The following ZNF292 variants were observed in gnomAD, a reference collection of about 807,000 sequenced individuals.
The protein encoded by ZNF292 is zinc finger protein 292.
ZNF292 carries 26 observed loss-of-function variants against 217.9 expected under a neutral mutation model. That is an observed-to-expected ratio of 0.12 (90% CI 0.09 to 0.17). ZNF292 has a LOEUF of 0.17. Among genes scored for constraint, ZNF292 ranks in the 10% least tolerant of loss-of-function variants. ZNF292 has a pLI of 1.00. For synonymous variants in ZNF292, 1,257 were observed against 1,124.1 expected, an observed-to-expected ratio of 1.12 and a Z score of -2.37; for missense variants, 2,904 against 3,175.2, an observed-to-expected ratio of 0.91 and a Z score of 2.05.
chr6:87,254,926 T>C lies in ZNF292; in HGVS notation c.1297T>C (p.Leu433=). ...PIPNSLRCEL[L]LVLKTQWPFD... ...ACCAAATTCTTTACGCTGTGAGCTG[T>C]TACTTGTATTGAAAACTCAATGGCC... Residue 433 remains leucine, a synonymous_variant, in exon 8 of 8, where the codon TTA becomes CTA. Coordinates refer to ENST00000369577, the MANE Select transcript of ZNF292 (RefSeq NM_015021.3). 6.2e-7 allele frequency: 1 copy of C among 1,613,884 alleles called. No individual in the cohort carries two copies. The highest frequency in any genetic ancestry group is 8.5e-7 in the Non-Finnish European group (1 of 1,179,838).
intron 6 of ZNF292, among the ~76,000 whole-genome samples, chr6:87,244,796 G>A (rs1379114530): frequency 1.3e-5 from 2 of 151,902 alleles, no homozygotes; most frequent in Non-Finnish European, 2.9e-5. Context: ...AAAGAGAAAT[G>A]CTGTTTAAAA....
At chr6:87,196,091 TATCAAGAATACTTTC>T in intron 1 of ZNF292, among the ~76,000 whole-genome samples, 1 of 152,282 alleles carries the variant, frequency 6.6e-6, no homozygotes, top group Non-Finnish European at 1.5e-5. Flanking sequence ...GTAAAAAGCT[TATCAAGAATACTTTC>T]AATGATGCTT....
chr6:87,230,562 T>C (rs1394576454), intron 4 of ZNF292, among the ~76,000 whole-genome samples: 2 of 151,974 alleles, frequency 1.3e-5, no homozygotes, highest in African/African-American at 4.8e-5. Flanking sequence ...TGAAACCCCA[T>C]CTCTACTAAA....
chr6:87,193,333 T>G (rs1008836456), intron 1 of ZNF292, among the ~76,000 whole-genome samples: 9 of 152,136 alleles, frequency 5.9e-5, no homozygotes, highest in Admixed American at 2.0e-4. Flanking sequence ...TCGCTTGAGC[T>G]CAGGAGTTTG....
Position 87,260,707 on chromosome 6 carries a change from A to C in ZNF292, c.7078A>C (p.Lys2360Gln), listed in dbSNP as rs1461022601. Residue 2360 changes from lysine (K) to glutamine (Q), a missense_variant, in exon 8 of 8, where the codon AAA becomes CAA. Coordinates refer to ENST00000369577, the MANE Select transcript of ZNF292 (RefSeq NM_015021.3). ...TGAAGAAAATAAGCCTTATTCTCTG[A>C]AACGTGGGAAGCATGTATATTCTAT... ...QIEENKPYSLKRGKHVYSIKA... is the reference protein window; with the variant it reads ...QIEENKPYSLQRGKHVYSIKA... 15 of 1,613,050 alleles carry C rather than the reference A, an allele frequency of 9.3e-6. No individual in the cohort carries two copies. Among genetic ancestry groups the C allele is most frequent in the African/African-American group, 2.7e-5 (2 of 74,888 alleles).
Position 87,257,550 on chromosome 6 carries a change from C to A in ZNF292, c.3921C>A (p.Ser1307=). The A allele has an allele frequency of 6.2e-7, 1 of 1,607,492 alleles. No homozygotes were observed. The highest frequency in any genetic ancestry group is 1.1e-5 in the South Asian group (1 of 90,044). ...YSSQIEGNTN[S]SFLKGGNGEN... ...CACAGATTGAAGGAAACACTAATTC[C>A]TCCTTTCTAAAGGGGGGTAATGGTG... Residue 1307 remains serine, a synonymous_variant, in exon 8 of 8, where the codon TCC becomes TCA. Coordinates refer to ENST00000369577, the MANE Select transcript of ZNF292 (RefSeq NM_015021.3).
At chr6:87,209,609 A>T (rs1165285968) in intron 1 of ZNF292, among the ~76,000 whole-genome samples, 3 of 152,228 alleles carry the variant, frequency 2.0e-5, no homozygotes, top group Non-Finnish European at 2.9e-5. Flanking sequence ...TAAGTGCATA[A>T]ACTGATAGGA....
At chr6:87,219,445 A>T (rs996614599) in intron 4 of ZNF292, among the ~76,000 whole-genome samples, 5 of 152,176 alleles carry the variant, frequency 3.3e-5, no homozygotes, top group African/African-American at 9.7e-5. Context: ...TACCACTGTA[A>T]GCTTCTTCCG....
At chr6:87,194,486 G>C (rs1456836764) in intron 1 of ZNF292, among the ~76,000 whole-genome samples, 3 of 152,140 alleles carry the variant, frequency 2.0e-5, no homozygotes, top group African/African-American at 7.2e-5. Context: ...AAAAGAGAGA[G>C]CAGAAGTAGG....
At chr6:87,164,893 GGT>G (rs1770865703) in intron 1 of ZNF292, among the ~76,000 whole-genome samples, 1 of 151,562 alleles carries the variant, frequency 6.6e-6, no homozygotes, top group Admixed American at 6.6e-5. Context: ...CTCCCAAGTA[GGT>G]GGGACTACAG....
intron 1 of ZNF292, among the ~76,000 whole-genome samples, chr6:87,195,885 G>A (rs765381719): frequency 2.6e-5 from 4 of 151,792 alleles, no homozygotes; most frequent in Non-Finnish European, 4.4e-5. Flanking sequence ...AAAATTAGCC[G>A]GGCATGGTGG....
At chr6:87,160,556 T>C (rs1272428401) in intron 1 of ZNF292, among the ~76,000 whole-genome samples, 1 of 151,324 alleles carries the variant, frequency 6.6e-6, no homozygotes, top group African/African-American at 2.4e-5. Context: ...ACAGAGGATA[T>C]AAGATACAGG....
chr6:87,241,764 G>C (rs115468309), intron 5 of ZNF292, among the ~76,000 whole-genome samples: 108 of 152,244 alleles, frequency 7.1e-4, no homozygotes, highest in African/African-American at 2.6e-3. Flanking sequence ...TGGATTTGTG[G>C]CTTAACCACT....
chr6:87,179,175 T>TTTG (rs397964567), intron 1 of ZNF292, among the ~76,000 whole-genome samples: 6 of 147,396 alleles, frequency 4.1e-5, no homozygotes, highest in African/African-American at 1.3e-4. Context: ...TTTTTTTTTT[T>TTTG]GGGAGATGGA....
At chr6:87,203,257 C>T (rs190411305) in intron 1 of ZNF292, among the ~76,000 whole-genome samples, 30 of 151,016 alleles carry the variant, frequency 2.0e-4, no homozygotes, top group South Asian at 4.2e-4. Flanking sequence ...CCTCCCACCT[C>T]AGCACCCCAG....
Position 87,197,880 on chromosome 6 carries a change from A to C in ZNF292, c.169-18023A>C, listed in dbSNP as rs7775713. ...TGATTCTGGGTTATGAAGTTGCTAC[A>C]GTTAAAGGGATTTTCAGATCATTTC... On this transcript the variant is annotated intron_variant, in intron 1 of 7. Transcript: ENST00000369577. Among the ~76,000 whole-genome samples the C allele has an allele frequency of 9.4e-3, 1,434 of 152,266 alleles. 20 individuals are homozygous for C. The highest frequency in any genetic ancestry group is 0.032 in the African/African-American group (1,350 of 41,550).
At chr6:87,163,032 A>T (rs1770803276) in intron 1 of ZNF292, among the ~76,000 whole-genome samples, 1 of 152,170 alleles carries the variant, frequency 6.6e-6, no homozygotes, top group South Asian at 2.1e-4. Flanking sequence ...TTCTTTTGGC[A>T]TTGGCAGTTG....
chr6:87,170,729 A>C (rs1016129521), intron 1 of ZNF292, among the ~76,000 whole-genome samples: 1 of 152,168 alleles, frequency 6.6e-6, no homozygotes, highest in Non-Finnish European at 1.5e-5. Context: ...TGTCTTTCAT[A>C]TATAGTTTGC....
chr6:87,237,058 T>C (rs1773939934), intron 5 of ZNF292, among the ~76,000 whole-genome samples: 1 of 152,212 alleles, frequency 6.6e-6, no homozygotes, highest in Admixed American at 6.5e-5. Flanking sequence ...TTATGGCAAT[T>C]TATGTTTCCA....
Sources: gnomAD v4.1 joint callset for allele counts (sites outside exome capture counted in the v4.1 genomes callset) on GRCh38, gnomAD v4.1.1 for gene constraint, MANE v1.5 for transcripts, NCBI Gene and HGNC (gene_info 2026-07-23, HGNC 2026-07-21) for gene names.